The following GTF2B variants were observed in gnomAD, a reference collection of about 807,000 sequenced individuals.
The protein encoded by GTF2B is general transcription factor IIB.
Under a neutral mutation model 34.6 loss-of-function variants are expected in GTF2B, and 20 were observed. The ratio of observed to expected loss-of-function variants is 0.58; its 90% confidence interval spans 0.41 to 0.84. The LOEUF (loss-of-function observed/expected upper bound fraction) is 0.84. GTF2B is among the 40% of genes least tolerant of loss of function. The pLI is 0.00. For missense variants in GTF2B, 237 were observed against 393.3 expected (o/e 0.60, Z 3.36); for synonymous variants, 142 against 132.4 (o/e 1.07, Z -0.50).
chr1:88,887,298 G>A lies in GTF2B; in HGVS notation c.87C>T (p.Ala29=), dbSNP rs78977160. ...CACATTCAGGACAGATCATATCACC[G>A]GCTCTGTAGTCCTCCACTAAAATCG... ...PDAILVEDYR[A]GDMICPECGL... The change falls in exon 2 of 7, where the codon GCC becomes GCT. Residue 29 remains alanine, a synonymous_variant. Transcript: ENST00000370500. 2,254 of 1,609,882 alleles carry A rather than the reference G, an allele frequency of 1.4e-3. 32 individuals carry two copies. The African/African-American group carries it at 0.024, about 17-fold the overall frequency.
At chr1:88,891,120 C>CGGG (rs36020480) in intron 1 of GTF2B, among the ~76,000 whole-genome samples, 78 of 6,462 alleles carry the variant, frequency 0.012, 2 homozygotes, top group East Asian at 0.06. Context: ...AAAAAACAAG[C>CGGG]GGGGGGGGGG....
Position 88,863,135 on chromosome 1 carries a change from C to T in GTF2B, c.258+846G>A, listed in dbSNP as rs1252110378. The stretch of plus-strand genomic sequence containing the variant: ...TGCCTTACACAATGATAGCAGCTAC[C>T]ACTGACTGAGCACACAGTATACAAT... On this transcript the variant is annotated intron_variant, in intron 3 of 6. Transcript: ENST00000370500. Among the ~76,000 whole-genome samples, 4 of 152,248 alleles carry T rather than the reference C, an allele frequency of 2.6e-5. No individual in the cohort carries two copies. The South Asian group carries it at 6.2e-4, about 24-fold the overall frequency.
Position 88,884,934 on chromosome 1 carries a change from A to C in GTF2B, c.124+2327T>G, listed in dbSNP as rs578255811. Among the ~76,000 whole-genome samples the C allele has an allele frequency of 2.0e-5, 3 of 152,354 alleles. No individual in the cohort carries two copies. The East Asian group carries it at 5.8e-4, about 29-fold the overall frequency. On this transcript the variant is annotated intron_variant, in intron 2 of 6. Coordinates refer to ENST00000370500, the MANE Select transcript of GTF2B (RefSeq NM_001514.6). ...TATGTAATGGTAATAAAAACAAATA[A>C]ATAAAATAGTGCAGTATGGCAACAT...
At chr1:88,853,482 G>T in intron 6 of GTF2B, 136 bp from the exon 7 acceptor site, 1 of 793,372 alleles carries the variant, frequency 1.3e-6, no homozygotes, top group Non-Finnish European at 2.0e-6. Flanking sequence ...TCTAAAAACT[G>T]ATAATAGAAA....
intron 6 of GTF2B, 124 bp downstream of exon 6, chr1:88,857,082 T>G: frequency 4.8e-6 from 4 of 839,758 alleles, no homozygotes; most frequent in Non-Finnish European, 7.6e-6. Flanking sequence ...ATTATAGGTG[T>G]GAGCCCCCGC....
At chr1:88,871,907 AT>A (rs1673701678) in intron 2 of GTF2B, among the ~76,000 whole-genome samples, 2 of 151,784 alleles carry the variant, frequency 1.3e-5, no homozygotes, top group Admixed American at 6.6e-5. Flanking sequence ...AATTTTTTGT[AT>A]TTTTAGTAGA....
intron 2 of GTF2B, among the ~76,000 whole-genome samples, chr1:88,884,118 C>T (rs1470543699): frequency 6.6e-6 from 1 of 151,414 alleles, no homozygotes; most frequent in Non-Finnish European, 1.5e-5. Context: ...AACTCCGCCT[C>T]CCAGGTTCAA....
At chr1:88,880,429 C>T (rs186316959) in intron 2 of GTF2B, among the ~76,000 whole-genome samples, 1 of 152,302 alleles carries the variant, frequency 6.6e-6, no homozygotes, top group African/African-American at 2.4e-5. Flanking sequence ...GATGCAAATT[C>T]AATTACATAT....
At chr1:88,865,381 G>A (rs986990275) in intron 2 of GTF2B, among the ~76,000 whole-genome samples, 3 of 152,172 alleles carry the variant, frequency 2.0e-5, no homozygotes, top group African/African-American at 4.8e-5. Flanking sequence ...AATATTCTGA[G>A]TTTCTCCTTT....
intron 2 of GTF2B, among the ~76,000 whole-genome samples, chr1:88,869,772 G>A (rs534948885): frequency 2.7e-4 from 41 of 152,078 alleles, no homozygotes; most frequent in African/African-American, 9.6e-4. Flanking sequence ...GATTACAGGC[G>A]CCTGCCACCA....
chr1:88,891,357 C>T, intron 1 of GTF2B, 126 bp downstream of exon 1: 1 of 664,986 alleles, frequency 1.5e-6, no homozygotes, highest in South Asian at 2.0e-5. Flanking sequence ...GCCCGTCGGC[C>T]AGTCCCGCCG....
chr1:88,889,201 G>C (rs1472707256), intron 1 of GTF2B, among the ~76,000 whole-genome samples: 1 of 152,206 alleles, frequency 6.6e-6, no homozygotes, highest in African/African-American at 2.4e-5. Flanking sequence ...GCTAGGAAAG[G>C]AGGAAGACTA....
chr1:88,873,691 C>T (rs111581738), intron 2 of GTF2B, among the ~76,000 whole-genome samples: 174 of 152,164 alleles, frequency 1.1e-3, no homozygotes, highest in Admixed American at 1.4e-3. Flanking sequence ...TTTTGTAGCA[C>T]GGGACAGCTG....
rs920881728 is a variant in GTF2B at position 88,869,597 on chromosome 1, G to A, written c.125-5483C>T. On this transcript the variant is annotated intron_variant, in intron 2 of 6. Coordinates refer to ENST00000370500, the MANE Select transcript of GTF2B (RefSeq NM_001514.6). ...AAATCAGTTCAGTGGCTATTGCTGG[G>A]TGGGAGTGATTGGCAAGTGGCATAA... 2.6e-5 allele frequency among the ~76,000 whole-genome samples: 4 copies of A among 152,106 alleles called. No homozygotes were observed. The East Asian group carries it at 7.7e-4, about 29-fold the overall frequency.
chr1:88,871,974 C>A (rs72959415), intron 2 of GTF2B, among the ~76,000 whole-genome samples: 14,107 of 151,944 alleles, frequency 0.093, 1,501 homozygotes, highest in African/African-American at 0.26. Flanking sequence ...CTCAGGTAGT[C>A]CACCCACCTC....
intron 2 of GTF2B, among the ~76,000 whole-genome samples, chr1:88,878,860 G>GGAT (rs936099952): frequency 1.3e-4 from 20 of 152,312 alleles, no homozygotes; most frequent in African/African-American, 4.8e-4. Context: ...AAGCCCTGGA[G>GGAT]GATGACAGAT....
At chr1:88,886,666 A>G (rs1280597738) in intron 2 of GTF2B, among the ~76,000 whole-genome samples, 1 of 152,200 alleles carries the variant, frequency 6.6e-6, no homozygotes, top group African/African-American at 2.4e-5. Flanking sequence ...CCAGTCCTCT[A>G]CCAAATATTT....
chr1:88,870,547 T>A (rs1441923597), intron 2 of GTF2B, among the ~76,000 whole-genome samples: 1 of 150,690 alleles, frequency 6.6e-6, no homozygotes, highest in African/African-American at 2.5e-5. Context: ...TTTTTTATGT[T>A]AAAAATCTCA....
intron 5 of GTF2B, among the ~76,000 whole-genome samples, chr1:88,857,691 C>CTT (rs368010048): frequency 9.2e-6 from 1 of 108,152 alleles, no homozygotes; most frequent in African/African-American, 3.6e-5. Context: ...TTCATCACAC[C>CTT]TTTTTTTTTG....
Sources: allele counts gnomAD v4.1 joint callset (sites outside exome capture counted in the v4.1 genomes callset), GRCh38; gene constraint gnomAD v4.1.1; transcripts MANE v1.5; gene names NCBI Gene and HGNC (gene_info 2026-07-23, HGNC 2026-07-21).